CTNNA2: variants seen among roughly 807,000 people sequenced by gnomAD.
CTNNA2 encodes the protein catenin alpha 2.
Under a neutral mutation model 101.0 loss-of-function variants are expected in CTNNA2, and 42 were observed. The ratio of observed to expected loss-of-function variants is 0.42; its 90% confidence interval spans 0.32 to 0.54. CTNNA2 has a LOEUF of 0.54. CTNNA2 is among the 20% of genes least tolerant of loss of function. The probability of loss-of-function intolerance (pLI) is 0.14; values close to 1 mark genes in which losing one functional copy is unlikely to be tolerated. For synonymous variants in CTNNA2, 450 were observed against 456.4 expected (o/e 0.99, Z 0.18); for missense variants, 871 against 1,223.1 (o/e 0.71, Z 4.29).
intron 7 of CTNNA2, among the ~76,000 whole-genome samples, chr2:80,358,739 T>C (rs2149312578): frequency 1.3e-5 from 2 of 152,266 alleles, no homozygotes; most frequent in Non-Finnish European, 2.9e-5. Context: ...TAAGTAGATA[T>C]ATAAAATGTT....
intron 7 of CTNNA2, among the ~76,000 whole-genome samples, chr2:80,180,294 T>G (rs1705691990): frequency 6.6e-6 from 1 of 152,208 alleles, no homozygotes; most frequent in South Asian, 2.1e-4. Flanking sequence ...GACACCATGA[T>G]TCTCTATTTT....
intron 15 of CTNNA2, among the ~76,000 whole-genome samples, chr2:80,594,163 T>G (rs2149748394): frequency 6.6e-6 from 1 of 152,278 alleles, no homozygotes; most frequent in Admixed American, 6.5e-5. Context: ...TGTTTTCTGT[T>G]TTTTTCTTGA....
At chr2:80,085,048 G>T (rs1699358494) in intron 7 of CTNNA2, among the ~76,000 whole-genome samples, 1 of 152,090 alleles carries the variant, frequency 6.6e-6, no homozygotes, top group Non-Finnish European at 1.5e-5. Context: ...AATGGTAGAA[G>T]AGGAACTCAG....
At chr2:79,381,769 A>G (rs1678041745) in intron 4 of CTNNA2, among the ~76,000 whole-genome samples, 1 of 152,316 alleles carries the variant, frequency 6.6e-6, no homozygotes, top group East Asian at 1.9e-4. Context: ...AGATTGCTCA[A>G]CAAGCATCTC....
chr2:80,611,702 C>T (rs1019350175), intron 17 of CTNNA2, among the ~76,000 whole-genome samples: 3 of 151,422 alleles, frequency 2.0e-5, no homozygotes, highest in East Asian at 2.0e-4. Context: ...TTATACAGAG[C>T]GTATGATTCT....
At chr2:80,043,569 G>T (rs956406333) in intron 7 of CTNNA2, among the ~76,000 whole-genome samples, 1 of 152,152 alleles carries the variant, frequency 6.6e-6, no homozygotes, top group African/African-American at 2.4e-5. Flanking sequence ...AGTCCTTGCG[G>T]GTTGAATGCA....
At chr2:79,407,302 C>T (rs1169642996) in intron 4 of CTNNA2, among the ~76,000 whole-genome samples, 1 of 151,978 alleles carries the variant, frequency 6.6e-6, no homozygotes, top group African/African-American at 2.4e-5. Context: ...CATTTTACAA[C>T]CAGGAATTGT....
intron 3 of CTNNA2, among the ~76,000 whole-genome samples, chr2:79,764,123 G>C (rs1045178036): frequency 6.6e-6 from 1 of 152,172 alleles, no homozygotes; most frequent in Non-Finnish European, 1.5e-5. Context: ...TGTATCACCA[G>C]TTCCTACTCC....
At chr2:79,868,114 G>A (rs548527733) in intron 4 of CTNNA2, among the ~76,000 whole-genome samples, 5 of 152,182 alleles carry the variant, frequency 3.3e-5, no homozygotes, top group Admixed American at 6.5e-5. Context: ...TTTTTCAACT[G>A]TACTTCCTTT....
At chr2:80,160,323 T>G (rs1704232428) in intron 7 of CTNNA2, among the ~76,000 whole-genome samples, 1 of 152,338 alleles carries the variant, frequency 6.6e-6, no homozygotes, top group Non-Finnish European at 1.5e-5. Flanking sequence ...ATAATGTTAT[T>G]TATACGTACA....
chr2:79,203,102 T>G (rs1254340240), intron 2 of CTNNA2, among the ~76,000 whole-genome samples: 1 of 152,128 alleles, frequency 6.6e-6, no homozygotes, highest in African/African-American at 2.4e-5. Flanking sequence ...CATCTCTCAT[T>G]TCTTCCCCAT....
At chr2:80,310,997 T>C (rs1232780057) in intron 7 of CTNNA2, among the ~76,000 whole-genome samples, 1 of 141,006 alleles carries the variant, frequency 7.1e-6, no homozygotes, top group Non-Finnish European at 1.5e-5. Context: ...AAAATGTAAA[T>C]AGAGAAACAC....
intron 3 of CTNNA2, among the ~76,000 whole-genome samples, chr2:79,314,982 G>C (rs1342378028): frequency 6.6e-6 from 1 of 152,130 alleles, no homozygotes; most frequent in East Asian, 1.9e-4. Flanking sequence ...AAATGAATTA[G>C]GGCTTTTGCT....
At chr2:80,580,877 A>C (rs550355852) in intron 13 of CTNNA2, among the ~76,000 whole-genome samples, 1 of 152,062 alleles carries the variant, frequency 6.6e-6, no homozygotes, top group East Asian at 1.9e-4. Context: ...TTAGCCAAGC[A>C]TGATGGTGTA....
Position 79,674,538 on chromosome 2 carries a change from A to C in CTNNA2, c.102+22880A>C, listed in dbSNP as rs538152412. On this transcript the variant is annotated intron_variant, in intron 2 of 18. Transcript: ENST00000402739. ...ACCCCATCACTAAATCATCATAAAAATGAGAATACCCTATTAGATAATAGG... is the reference window on the plus strand; with the variant it reads ...ACCCCATCACTAAATCATCATAAAACTGAGAATACCCTATTAGATAATAGG... 1.1e-3 allele frequency among the ~76,000 whole-genome samples: 167 copies of C among 152,350 alleles called. 1 individual carries two copies. The highest frequency in any genetic ancestry group is 7.7e-3 in the South Asian group (37 of 4,830).
At chr2:79,863,765 A>C (rs575878899) in intron 4 of CTNNA2, among the ~76,000 whole-genome samples, 95 of 152,214 alleles carry the variant, frequency 6.2e-4, no homozygotes, top group African/African-American at 2.2e-3. Context: ...TGAGATCCAG[A>C]TGTTGTTGGA....
At chr2:79,226,455 T>TTGTTACCCTC (rs145112411) in intron 2 of CTNNA2, among the ~76,000 whole-genome samples, 17,951 of 152,098 alleles carry the variant, frequency 0.12, 1,143 homozygotes, top group East Asian at 0.21. Context: ...CAGTTATTTT[T>TTGTTACCCTC]TGTGGCCACG....
intron 1 of CTNNA2, among the ~76,000 whole-genome samples, chr2:79,529,605 T>C (rs1672620378): frequency 6.6e-6 from 1 of 151,872 alleles, no homozygotes; most frequent in Non-Finnish European, 1.5e-5. Flanking sequence ...AAGTGACAAA[T>C]AATGAGACAC....
intron 1 of CTNNA2, among the ~76,000 whole-genome samples, chr2:79,648,096 A>C (rs115321022): frequency 2.0e-5 from 3 of 152,220 alleles, no homozygotes; most frequent in African/African-American, 7.2e-5. Flanking sequence ...ATGACTATTT[A>C]CTGAAAAATC....
Sources: allele counts gnomAD v4.1 joint callset (sites outside exome capture counted in the v4.1 genomes callset), GRCh38; gene constraint gnomAD v4.1.1; transcripts MANE v1.5; gene names NCBI Gene and HGNC (gene_info 2026-07-23, HGNC 2026-07-21).